ROBO2: variants seen among roughly 807,000 people sequenced by gnomAD.
The protein encoded by ROBO2 is roundabout guidance receptor 2, also known as roundabout homolog 2.
Under a neutral mutation model 160.8 loss-of-function variants are expected in ROBO2, and 53 were observed. The ratio of observed to expected loss-of-function variants is 0.33; its 90% confidence interval spans 0.26 to 0.41. The LOEUF is 0.41. ROBO2 is among the 10% of genes least tolerant of loss of function. The pLI, the probability that ROBO2 is intolerant of heterozygous loss-of-function variation, is 1.00. For synonymous variants in ROBO2, 664 were observed against 611.7 expected (o/e 1.09, Z -1.26); for missense variants, 1,577 against 1,722.4 (o/e 0.92, Z 1.49).
At chr3:76,035,323 A>G (rs951906768) in intron 2 of ROBO2, among the ~76,000 whole-genome samples, 1 of 151,952 alleles carries the variant, frequency 6.6e-6, no homozygotes, top group African/African-American at 2.4e-5. Context: ...CCTAGTAACA[A>G]ATATTCTAGA....
chr3:77,055,189 C>T (rs764694502), intron 1 of ROBO2, among the ~76,000 whole-genome samples: 6 of 152,206 alleles, frequency 3.9e-5, no homozygotes, highest in Admixed American at 6.5e-5. Flanking sequence ...GCTTCCACTG[C>T]GTCTTCCCAC....
At chr3:76,195,774 C>A (rs897860361) in intron 2 of ROBO2, among the ~76,000 whole-genome samples, 12 of 152,164 alleles carry the variant, frequency 7.9e-5, no homozygotes, top group African/African-American at 2.9e-4. Flanking sequence ...TTCTGCTGTT[C>A]AGCAGCATTT....
intron 2 of ROBO2, among the ~76,000 whole-genome samples, chr3:76,465,810 G>A (rs560696693): frequency 5.7e-4 from 86 of 152,054 alleles, no homozygotes; most frequent in African/African-American, 2.0e-3. Flanking sequence ...ATATTATGAA[G>A]ACCACTGCCT....
chr3:76,569,193 C>G (rs540299018), intron 2 of ROBO2, among the ~76,000 whole-genome samples: 46 of 152,124 alleles, frequency 3.0e-4, no homozygotes, highest in African/African-American at 1.1e-3. Context: ...TACAAAGCCA[C>G]AATCTCAGTC....
rs756562291 is a variant in ROBO2 at position 77,522,895 on chromosome 3, C to G, written c.927C>G (p.Thr309=). Residue 309 remains threonine, a synonymous_variant, in exon 6 of 26, where the codon ACC becomes ACG. Transcript: ENST00000461745. ...AAATGGAAGCCTCTGCTACACTCAC[C>G]GTCCGAGGTAAGAGATTTAAGATGT... 6.2e-7 allele frequency: 1 copy of G among 1,608,972 alleles called. No individual in the cohort carries two copies. Among genetic ancestry groups the G allele is most frequent in the African/African-American group, 1.3e-5 (1 of 74,622 alleles).
At chr3:77,555,675 T>C (rs2093090765) in intron 8 of ROBO2, among the ~76,000 whole-genome samples, 1 of 151,948 alleles carries the variant, frequency 6.6e-6, no homozygotes, top group African/African-American at 2.4e-5. Flanking sequence ...GGAGATAAGA[T>C]GTATTTATAT....
chr3:76,443,272 C>A (rs2077012450), intron 2 of ROBO2, among the ~76,000 whole-genome samples: 1 of 152,094 alleles, frequency 6.6e-6, no homozygotes, highest in East Asian at 1.9e-4. Context: ...TCAGGCCCCA[C>A]CTCCAACATT....
chr3:76,234,514 T>C (rs1704816902), intron 2 of ROBO2, among the ~76,000 whole-genome samples: 1 of 152,176 alleles, frequency 6.6e-6, no homozygotes, highest in South Asian at 2.1e-4. Context: ...CGTAAAAGTG[T>C]TCCCTTCTCT....
intron 2 of ROBO2, among the ~76,000 whole-genome samples, chr3:77,166,278 AAAAG>A (rs1445819139): frequency 6.6e-6 from 1 of 152,152 alleles, no homozygotes; most frequent in Non-Finnish European, 1.5e-5. Flanking sequence ...AAAAAGAAAA[AAAAG>A]AAAAAAGAAA....
chr3:76,452,775 G>A (rs1413351314), intron 2 of ROBO2, among the ~76,000 whole-genome samples: 4 of 152,126 alleles, frequency 2.6e-5, no homozygotes. Context: ...GGTTGAACTA[G>A]TTTACAGTCC....
intron 2 of ROBO2, among the ~76,000 whole-genome samples, chr3:76,834,110 C>CTTTCTTTCTTTCTTTCTTTA: frequency 7.9e-6 from 1 of 126,922 alleles, no homozygotes; most frequent in Non-Finnish European, 1.7e-5. Flanking sequence ...TTCTTTCTTT[C>CTTTCTTTCTTTCTTTCTTTA]TTTCTCTCTG....
At chr3:76,258,447 C>T (rs1390291) in intron 2 of ROBO2, among the ~76,000 whole-genome samples, 139,615 of 152,026 alleles carry the variant, frequency 0.92, 64,301 homozygotes, top group Middle Eastern at 0.99. Context: ...TGACATTTAC[C>T]GAGTACCAGC....
intron 2 of ROBO2, among the ~76,000 whole-genome samples, chr3:76,703,484 T>C (rs2093090065): frequency 6.6e-6 from 1 of 152,064 alleles, no homozygotes; most frequent in Non-Finnish European, 1.5e-5. Context: ...TCACCTACAT[T>C]AGGTATTTCT....
chr3:76,559,095 T>C (rs1403193118), intron 2 of ROBO2, among the ~76,000 whole-genome samples: 2 of 152,140 alleles, frequency 1.3e-5, no homozygotes, highest in Non-Finnish European at 2.9e-5. Context: ...TATAGACATA[T>C]GCAATTCTAA....
chr3:76,530,138 CCTTA>C (rs1345047346), intron 2 of ROBO2, among the ~76,000 whole-genome samples: 8 of 152,308 alleles, frequency 5.3e-5, no homozygotes, highest in African/African-American at 1.9e-4. Context: ...TGCATGTCTA[CCTTA>C]CTTTGGTCAT....
intron 2 of ROBO2, among the ~76,000 whole-genome samples, chr3:77,388,053 G>A (rs528411474): frequency 1.3e-5 from 2 of 151,906 alleles, no homozygotes; most frequent in Non-Finnish European, 2.9e-5. Flanking sequence ...ATTTACCCCT[G>A]CCGAGTGGTC....
intron 2 of ROBO2, among the ~76,000 whole-genome samples, chr3:76,948,083 GC>G (rs1318631621): frequency 2.0e-5 from 3 of 152,094 alleles, no homozygotes; most frequent in Non-Finnish European, 4.4e-5. Context: ...TATCTGAAAA[GC>G]CCTTTATTTA....
chr3:77,244,675 C>T (rs537384566), intron 2 of ROBO2, among the ~76,000 whole-genome samples: 15 of 151,904 alleles, frequency 9.9e-5, no homozygotes, highest in African/African-American at 9.7e-5. Flanking sequence ...GTCAGGAGAT[C>T]GAGACCATCC....
chr3:76,516,236 A>G (rs552877507), intron 2 of ROBO2, among the ~76,000 whole-genome samples: 1 of 152,294 alleles, frequency 6.6e-6, no homozygotes, highest in South Asian at 2.1e-4. Context: ...AGCAACAGAA[A>G]TCTGTGAGAA....
Sources: gnomAD v4.1 joint callset for allele counts (sites outside exome capture counted in the v4.1 genomes callset) on GRCh38, gnomAD v4.1.1 for gene constraint, MANE v1.5 for transcripts, NCBI Gene and HGNC (gene_info 2026-07-23, HGNC 2026-07-21) for gene names.